CCNT2: variants seen among roughly 807,000 people sequenced by gnomAD.
CCNT2 encodes the protein cyclin T2.
In CCNT2, 18 loss-of-function variants were observed where a neutral mutation model predicts 70.0. The observed-to-expected ratio is 0.26, with a 90% CI of 0.18 to 0.38. The LOEUF is 0.38. CCNT2 is among the 10% of genes least tolerant of loss of function. The pLI, the probability that CCNT2 is intolerant of heterozygous loss-of-function variation, is 1.00. For synonymous variants in CCNT2, 334 were observed against 313.3 expected, an observed-to-expected ratio of 1.07 and a Z score of -0.70; for missense variants, 734 against 890.2, an observed-to-expected ratio of 0.82 and a Z score of 2.23.
chr2:134,938,288 AAT>A (rs1409646368), intron 3 of CCNT2, among the ~76,000 whole-genome samples: 1 of 152,224 alleles, frequency 6.6e-6, no homozygotes, highest in Non-Finnish European at 1.5e-5. Context: ...TGGCTTTAGA[AAT>A]ATGTCCTTAC....
chr2:134,919,516 G>A (rs1679704990), intron 1 of CCNT2, among the ~76,000 whole-genome samples: 1 of 152,106 alleles, frequency 6.6e-6, no homozygotes, highest in Admixed American at 6.5e-5. Flanking sequence ...GTGTGCGCGC[G>A]CGTTTCAACT....
At position 134,957,213 on chromosome 2, in the gene CCNT2, C is replaced by G. The variant is rs1682980837; in HGVS notation, c.*2565C>G. On this transcript the variant is annotated 3_prime_UTR_variant, in exon 9 of 9. Coordinates refer to ENST00000264157, the MANE Select transcript of CCNT2 (RefSeq NM_058241.3). ...AGTTCATCTGTCTGGTCCCATTAGG[C>G]TCTACCAAAGAAAGACTCTGATGAG... 1 of 152,128 alleles carries G rather than the reference C, an allele frequency of 6.6e-6. No individual in the cohort carries two copies. Among genetic ancestry groups the G allele is most frequent in the Non-Finnish European group, 1.5e-5 (1 of 68,006 alleles). 9.4% of individuals were successfully genotyped at this position (152,128 alleles called of 1,614,324 possible).
At position 134,953,439 on chromosome 2, in the gene CCNT2, T is replaced by A; in HGVS notation, c.984T>A (p.Ser328=). The stretch of plus-strand genomic sequence containing the variant: ...TTTCTGTTCAAGACAGCCATACATC[T>A]GATAATTTGTCAATGCTAGCAACAG... ...GNISVQDSHT[S]DNLSMLATGM... The change falls in exon 9 of 9, where the codon TCT becomes TCA. Residue 328 remains serine (S), a synonymous_variant. Transcript: ENST00000264157. 6.2e-7 allele frequency: 1 copy of A among 1,612,982 alleles called. No homozygotes were observed. The highest frequency in any genetic ancestry group is 1.1e-5 in the South Asian group (1 of 90,934).
chr2:134,952,108 C>CA (rs1294902425), intron 7 of CCNT2, among the ~76,000 whole-genome samples: 1 of 152,104 alleles, frequency 6.6e-6, no homozygotes, highest in African/African-American at 2.4e-5. Flanking sequence ...TCAAGGGGTA[C>CA]AGTATGTTGA....
rs1214228053 is a variant in CCNT2 at position 134,958,048 on chromosome 2, A to G, written c.*3400A>G. On this transcript the variant is annotated 3_prime_UTR_variant, in exon 9 of 9. Coordinates refer to ENST00000264157, the MANE Select transcript of CCNT2 (RefSeq NM_058241.3). Reference sequence around the variant, plus strand: ...TCAAGCACATTTTCTTTTCTATTTGAGAACTTAAATTGCTGACTTGTATTC... The same window carrying G: ...TCAAGCACATTTTCTTTTCTATTTGGGAACTTAAATTGCTGACTTGTATTC... 6.6e-6 allele frequency: 1 copy of G among 152,210 alleles called. No homozygotes were observed. Among genetic ancestry groups the G allele is most frequent in the East Asian group, 1.9e-4 (1 of 5,204 alleles). 9.4% of individuals were successfully genotyped at this position (152,210 alleles called of 1,614,324 possible).
chr2:134,931,260 A>ATATTTTTTTTTTTTTTTTTTTTTTTTTT (rs1351628226), intron 2 of CCNT2, among the ~76,000 whole-genome samples: 1 of 42,946 alleles, frequency 2.3e-5, no homozygotes, highest in Non-Finnish European at 4.0e-5. Flanking sequence ...CCATGCCCGG[A>ATATTTTTTTTTTTTTTTTTTTTTTTTTT]TCTTTTTTTT....
rs1463553191 is a variant in CCNT2 at position 134,959,019 on chromosome 2, T to C, written c.*4371T>C. The C allele has an allele frequency of 6.6e-6, 1 of 152,194 alleles. No individual in the cohort carries two copies. The highest frequency in any genetic ancestry group is 1.9e-4 in the East Asian group (1 of 5,196). The allele number at this position is 152,194 out of a possible 1,614,324, so 9.4% of individuals were successfully genotyped here. On this transcript the variant is annotated 3_prime_UTR_variant, in exon 9 of 9. Coordinates refer to ENST00000264157, the MANE Select transcript of CCNT2 (RefSeq NM_058241.3). The stretch of plus-strand genomic sequence containing the variant: ...GGGCGGAAACTCAAAATCCCGAGCA[T>C]TGCCACTTTAGTAGTTTGTTTGATT...
intron 5 of CCNT2, chr2:134,945,023 G>A (rs1252178802): frequency 5.1e-6 from 5 of 985,284 alleles, no homozygotes; most frequent in African/African-American, 1.7e-5. Flanking sequence ...ATTGGCTAAT[G>A]TCATTTTACA....
chr2:134,939,151 A>T, intron 4 of CCNT2, 89 bp downstream of exon 4: 1 of 943,746 alleles, frequency 1.1e-6, no homozygotes, highest in South Asian at 1.5e-5. Context: ...TAATTGTATT[A>T]TTGAAGAAAG....
In CCNT2 at chr2:134,953,543, T is replaced by A; in HGVS notation, c.1088T>A (p.Leu363Gln). ...CAAGACTCAGCAAGGACAGAACAGCTATATTCACAGAAACAGGAGACATCT... is the reference window on the plus strand; with the variant it reads ...CAAGACTCAGCAAGGACAGAACAGCAATATTCACAGAAACAGGAGACATCT... ...QHQDSARTEQ[L>Q]YSQKQETSLS... Residue 363 changes from leucine (L) to glutamine (Q), a missense_variant, in exon 9 of 9, where the codon CTA becomes CAA. By Grantham distance (113) the Leu-to-Gln change is moderately radical. Coordinates refer to ENST00000264157, the MANE Select transcript of CCNT2 (RefSeq NM_058241.3). 1 of 1,614,212 alleles carries A rather than the reference T, an allele frequency of 6.2e-7. No individual in the cohort carries two copies. Among genetic ancestry groups the A allele is most frequent in the Non-Finnish European group, 8.5e-7 (1 of 1,180,038 alleles).
chr2:134,956,554 A>G lies in CCNT2; in HGVS notation c.*1906A>G, dbSNP rs974035010. 1 of 152,516 alleles carries G rather than the reference A, an allele frequency of 6.6e-6. No individual in the cohort carries two copies. The highest frequency in any genetic ancestry group is 2.4e-5 in the African/African-American group (1 of 41,434). The allele number at this position is 152,516 out of a possible 1,614,324, so 9.4% of individuals were successfully genotyped here. On this transcript the variant is annotated 3_prime_UTR_variant, in exon 9 of 9. Transcript: ENST00000264157. ...CAAGGACTAGTATAGAATTAAGCTGAGTGCAAGATGAGGGAGGGAAGGGCT... is the reference window on the plus strand; with the variant it reads ...CAAGGACTAGTATAGAATTAAGCTGGGTGCAAGATGAGGGAGGGAAGGGCT...
At position 134,958,595 on chromosome 2, in the gene CCNT2, G is replaced by A. The variant is rs937363743; in HGVS notation, c.*3947G>A. ...TAATTTGAGAATCACATTCTGATACGTTAATATCAGAAATCAGTGAGCAAC... is the reference window on the plus strand; with the variant it reads ...TAATTTGAGAATCACATTCTGATACATTAATATCAGAAATCAGTGAGCAAC... On this transcript the variant is annotated 3_prime_UTR_variant, in exon 9 of 9. Coordinates refer to ENST00000264157, the MANE Select transcript of CCNT2 (RefSeq NM_058241.3). 9 of 152,186 alleles carry A rather than the reference G, an allele frequency of 5.9e-5. No homozygotes were observed. The highest frequency in any genetic ancestry group is 1.2e-4 in the African/African-American group (5 of 41,436). The allele number at this position is 152,186 out of a possible 1,614,324, so 9.4% of individuals were successfully genotyped here. A position where few individuals can be genotyped will look rare whatever the true frequency, so the allele number is the denominator to read the frequency against.
chr2:134,940,967 A>G (rs1290166277), intron 4 of CCNT2, among the ~76,000 whole-genome samples: 1 of 152,214 alleles, frequency 6.6e-6, no homozygotes, highest in African/African-American at 2.4e-5. Flanking sequence ...GACATTTGTG[A>G]AGTCATCGCT....
At chr2:134,933,045 G>T (rs1680898935) in intron 2 of CCNT2, among the ~76,000 whole-genome samples, 1 of 152,156 alleles carries the variant, frequency 6.6e-6, no homozygotes, top group African/African-American at 2.4e-5. Context: ...GGATAGGGGG[G>T]TGTTTAGGGC....
chr2:134,949,812 G>GT (rs61258929), intron 7 of CCNT2, among the ~76,000 whole-genome samples: 3 of 123,794 alleles, frequency 2.4e-5, no homozygotes, highest in Admixed American at 8.4e-5. Context: ...CGGGGGGGGG[G>GT]TGGGGGACAG....
In CCNT2 at chr2:134,953,392, G is replaced by C. The variant is rs1349994989; in HGVS notation, c.937G>C (p.Val313Leu). 3 of 1,602,508 alleles carry C rather than the reference G, an allele frequency of 1.9e-6. No individual in the cohort carries two copies. The South Asian group carries it at 3.3e-5, about 18-fold the overall frequency. The part of the protein sequence containing the change: ...KPSTSAFPAP[V>L]PLNSGNISVQ... Reference sequence around the variant, plus strand: ...ATCTACATCAGCATTCCCTGCGCCAGTACCTCTAAATTCAGGAAATATTTC... The same window carrying C: ...ATCTACATCAGCATTCCCTGCGCCACTACCTCTAAATTCAGGAAATATTTC... Residue 313 changes from valine (V) to leucine (L), a missense_variant, in exon 9 of 9, where the codon GTA becomes CTA. Val to Leu is a conservative substitution (Grantham distance 32, BLOSUM62 1). This residue lies in a region of CCNT2 where 532 missense variants were observed against 556.9 expected (regional missense o/e 0.96). Transcript: ENST00000264157.
chr2:134,937,356 A>G (rs898550519), intron 3 of CCNT2, among the ~76,000 whole-genome samples: 1 of 152,222 alleles, frequency 6.6e-6, no homozygotes, highest in African/African-American at 2.4e-5. Flanking sequence ...AATCTTCTGA[A>G]TTTACCCCTA....
In CCNT2 at chr2:134,958,753, T is replaced by C. The variant is rs144666815; in HGVS notation, c.*4105T>C. ...AGCTCAAAATGTTTTAGACCTAATA[T>C]CATACATTAATTTTCTGCTCTGCAG... On this transcript the variant is annotated 3_prime_UTR_variant, in exon 9 of 9. Transcript: ENST00000264157. 1,380 of 152,324 alleles carry C rather than the reference T, an allele frequency of 9.1e-3. 23 individuals are homozygous for C. The highest frequency in any genetic ancestry group is 0.032 in the African/African-American group (1,338 of 41,556). 9.4% of individuals were successfully genotyped at this position (152,324 alleles called of 1,614,324 possible). A position where few individuals can be genotyped will look rare whatever the true frequency, so the allele number is the denominator to read the frequency against.
At chr2:134,940,379 G>T (rs1224433833) in intron 4 of CCNT2, among the ~76,000 whole-genome samples, 1 of 140,004 alleles carries the variant, frequency 7.1e-6, no homozygotes, top group Admixed American at 7.3e-5. Context: ...TGTCATGAAT[G>T]CATAAACTAT....
Sources: allele counts gnomAD v4.1 joint callset (sites outside exome capture counted in the v4.1 genomes callset), GRCh38; gene constraint gnomAD v4.1.1; regional missense constraint gnomAD v4.1.1; transcripts MANE v1.5; gene names NCBI Gene and HGNC (gene_info 2026-07-23, HGNC 2026-07-21).